Variants in WDR25 observed in about 807,000 individuals in gnomAD.
The protein encoded by WDR25 is WD repeat-containing protein 25.
WDR25 carries 35 observed loss-of-function variants against 47.7 expected under a neutral mutation model. The observed-to-expected ratio is 0.73, with a 90% CI of 0.56 to 0.97. The LOEUF is 0.97. Ranked by LOEUF, WDR25 falls within the 50% of genes least tolerant of loss-of-function variation. WDR25 has a pLI of 0.00. For synonymous variants in WDR25, 248 were observed against 278.9 expected (o/e 0.89, Z 1.10); for missense variants, 634 against 704.7 (o/e 0.90, Z 1.14).
At chr14:100,487,652 G>T (rs1900428982) in intron 4 of WDR25, 1 of 152,210 alleles carries the variant, frequency 6.6e-6, no homozygotes, top group Admixed American at 6.5e-5. Flanking sequence ...CAGAAACCAG[G>T]TGCTCAGAGA....
At chr14:100,452,011 C>T (rs1321784520) in intron 2 of WDR25, among the ~76,000 whole-genome samples, 1 of 152,198 alleles carries the variant, frequency 6.6e-6, no homozygotes, top group Non-Finnish European at 1.5e-5. Context: ...GTCCATCATC[C>T]ATCCAACTAT....
chr14:100,402,790 G>T (rs1439181991), intron 2 of WDR25, among the ~76,000 whole-genome samples: 1 of 152,184 alleles, frequency 6.6e-6, no homozygotes. Context: ...CTCCCTGTGA[G>T]CTCCAGAGGA....
rs939878203 is a variant in WDR25, at chr14:100,530,121, GCA to G, written c.*83_*84del. 4.3e-5 allele frequency: 62 copies of G among 1,454,534 alleles called. 1 individual carries two copies. The Middle Eastern group carries it at 1.6e-3, about 38-fold the overall frequency. 90.1% of individuals were successfully genotyped at this position (1,454,534 alleles called of 1,614,324 possible). A position where few individuals can be genotyped will look rare whatever the true frequency, so the allele number is the denominator to read the frequency against. Reference sequence around the variant, plus strand: ...CCTCAAGGGTAGATGAGAGGAACGAGCACAGAGGTTGGCTGTGGGTCCTGGGT... The same window carrying G: ...CCTCAAGGGTAGATGAGAGGAACGAGCAGAGGTTGGCTGTGGGTCCTGGGT... On this transcript the variant is annotated 3_prime_UTR_variant, in exon 7 of 7. Coordinates refer to ENST00000402312, the MANE Select transcript of WDR25 (RefSeq NM_001161476.3).
At chr14:100,399,124 C>G (rs1017855574) in intron 2 of WDR25, among the ~76,000 whole-genome samples, 1 of 151,692 alleles carries the variant, frequency 6.6e-6, no homozygotes, top group Non-Finnish European at 1.5e-5. Context: ...TGGATTTAAC[C>G]CAGCCAGCCT....
intron 2 of WDR25, among the ~76,000 whole-genome samples, chr14:100,438,434 G>A (rs1478169496): frequency 6.6e-6 from 1 of 152,230 alleles, no homozygotes; most frequent in Non-Finnish European, 1.5e-5. Context: ...ATTTCTGTTT[G>A]TAGTTTTAGC....
At chr14:100,403,370 T>C (rs1897437530) in intron 2 of WDR25, among the ~76,000 whole-genome samples, 2 of 152,116 alleles carry the variant, frequency 1.3e-5, no homozygotes, top group South Asian at 4.1e-4. Flanking sequence ...GGCCAAATGT[T>C]GGGAGAGTGA....
chr14:100,422,584 C>T (rs1388716902), intron 2 of WDR25, among the ~76,000 whole-genome samples: 1 of 152,176 alleles, frequency 6.6e-6, no homozygotes, highest in Admixed American at 6.5e-5. Flanking sequence ...GGGCTGGGAC[C>T]CCTCATGGTG....
chr14:100,421,194 A>G (rs564980011), intron 2 of WDR25, among the ~76,000 whole-genome samples: 18 of 152,294 alleles, frequency 1.2e-4, no homozygotes, highest in African/African-American at 4.1e-4. Context: ...TTTCTTATTA[A>G]TGGGATAGTC....
intron 3 of WDR25, among the ~76,000 whole-genome samples, chr14:100,477,434 G>T (rs1319377462): frequency 1.3e-5 from 2 of 152,202 alleles, no homozygotes; most frequent in African/African-American, 4.8e-5. Flanking sequence ...TTAAAACTCA[G>T]TTTCCTATAA....
intron 4 of WDR25, among the ~76,000 whole-genome samples, chr14:100,505,878 T>C (rs1358943741): frequency 1.3e-5 from 2 of 152,244 alleles, no homozygotes; most frequent in Non-Finnish European, 2.9e-5. Flanking sequence ...TTGGTATTAG[T>C]ATATAGAAAT....
At chr14:100,414,495 T>A (rs1362561062) in intron 2 of WDR25, among the ~76,000 whole-genome samples, 2 of 151,292 alleles carry the variant, frequency 1.3e-5, no homozygotes, top group Non-Finnish European at 2.9e-5. Context: ...GTATTTTTAG[T>A]AGAGATAGGG....
chr14:100,396,634 A>T (rs115560987), intron 2 of WDR25, among the ~76,000 whole-genome samples: 205 of 152,348 alleles, frequency 1.3e-3, no homozygotes, highest in African/African-American at 4.8e-3. Flanking sequence ...GCAGGACAGT[A>T]GTGCTCAGAG....
At chr14:100,405,252 C>T (rs893743270) in intron 2 of WDR25, among the ~76,000 whole-genome samples, 1 of 151,434 alleles carries the variant, frequency 6.6e-6, no homozygotes, top group Admixed American at 6.6e-5. Context: ...GCCTCTGCCT[C>T]CCGGGTTCAA....
chr14:100,458,143 A>G (rs1899264583), intron 2 of WDR25, among the ~76,000 whole-genome samples: 1 of 152,202 alleles, frequency 6.6e-6, no homozygotes, highest in African/African-American at 2.4e-5. Context: ...CTCAGTGCCT[A>G]TAAGAAACCC....
chr14:100,496,817 T>A (rs926232856), intron 4 of WDR25, among the ~76,000 whole-genome samples: 4 of 149,880 alleles, frequency 2.7e-5, no homozygotes, highest in South Asian at 2.1e-4. Flanking sequence ...TTTTTCTTTT[T>A]TTCTTTAATT....
Position 100,525,808 on chromosome 14 carries a change from C to T in WDR25, c.1102-62C>T. On this transcript the variant is annotated intron_variant, in intron 4 of 6. Coordinates refer to ENST00000402312, the MANE Select transcript of WDR25 (RefSeq NM_001161476.3). This position sits in a 1 kb window ranked among gnomAD's most constrained non-coding sequence, Gnocchi z 4.6. ...CCTGCCCCCTGGGTCCTTGGCCTTC[C>T]CTGCATAGGCGCCTGTCCGTGCTGC... 1 of 1,588,282 alleles carries T rather than the reference C, an allele frequency of 6.3e-7. No homozygotes were observed. Among genetic ancestry groups the T allele is most frequent in the Non-Finnish European group, 8.6e-7 (1 of 1,166,072 alleles).
intron 2 of WDR25, among the ~76,000 whole-genome samples, chr14:100,410,701 G>A (rs1345904062): frequency 6.6e-6 from 1 of 152,012 alleles, no homozygotes; most frequent in African/African-American, 2.4e-5. Flanking sequence ...CTTATAAAGA[G>A]AGTGTTCACT....
intron 2 of WDR25, among the ~76,000 whole-genome samples, chr14:100,385,800 C>T (rs753447020): frequency 2.0e-5 from 3 of 152,128 alleles, no homozygotes; most frequent in African/African-American, 4.8e-5. Flanking sequence ...TTTGGCTTAA[C>T]GTGTTTGAAC....
Position 100,469,627 on chromosome 14 carries a change from G to A in WDR25, c.970+1459G>A, listed in dbSNP as rs188617631. Reference sequence around the variant, plus strand: ...GTCTTACTGATTCTCTTAACCCCTTGCAGAGTGGCCAGACTCAGGGAGTTT... The same window carrying A: ...GTCTTACTGATTCTCTTAACCCCTTACAGAGTGGCCAGACTCAGGGAGTTT... On this transcript the variant is annotated intron_variant, in intron 3 of 6. Coordinates refer to ENST00000402312, the MANE Select transcript of WDR25 (RefSeq NM_001161476.3). Among the ~76,000 whole-genome samples the A allele has an allele frequency of 7.9e-5, 12 of 152,308 alleles. No individual in the cohort carries two copies. In the East Asian group the frequency reaches 2.1e-3, roughly 27 times the overall value.
Sources: gnomAD v4.1 joint callset for allele counts (sites outside exome capture counted in the v4.1 genomes callset) on GRCh38, gnomAD v4.1.1 for gene constraint, Gnocchi (gnomAD v3.1) non-coding constraint, MANE v1.5 for transcripts, NCBI Gene and HGNC (gene_info 2026-07-23, HGNC 2026-07-21) for gene names.